The following CNTNAP2 variants were observed in gnomAD, a reference collection of about 807,000 sequenced individuals.
CNTNAP2 encodes contactin-associated protein-like 2.
CNTNAP2 carries 98 observed loss-of-function variants against 155.2 expected under a neutral mutation model. The observed-to-expected ratio is 0.63, with a 90% confidence interval of 0.54 to 0.75. The LOEUF (loss-of-function observed/expected upper bound fraction) is 0.75, where lower values mean the gene tolerates loss of function less well. CNTNAP2 is among the 30% of genes least tolerant of loss of function. CNTNAP2 has a pLI of 0.00. For synonymous variants in CNTNAP2, 651 were observed against 631.2 expected (o/e 1.03, Z -0.47); for missense variants, 1,727 against 1,688.1 (o/e 1.02, Z -0.40).
intron 15 of CNTNAP2, among the ~76,000 whole-genome samples, chr7:148,043,485 T>C (rs1007374367): frequency 2.0e-5 from 3 of 152,252 alleles, no homozygotes; most frequent in Admixed American, 6.5e-5. Flanking sequence ...CTTTAATTAC[T>C]GAGTTATGGA....
In CNTNAP2 at chr7:147,817,268, A is replaced by T. The variant is rs116981330; in HGVS notation, c.2099-86297A>T. 2.4e-3 allele frequency among the ~76,000 whole-genome samples: 360 copies of T among 152,372 alleles called. 2 individuals are homozygous for T. Among genetic ancestry groups the T allele is most frequent in the Admixed American group, 6.8e-3 (104 of 15,306 alleles). On this transcript the variant is annotated intron_variant, in intron 13 of 23. Coordinates refer to ENST00000361727, the MANE Select transcript of CNTNAP2 (RefSeq NM_014141.6). ...ACAGTATTTGAATCTTAATTCGAGC[A>T]TATCAACTAAGAAAAAGACATTTTT...
chr7:146,802,510 G>C (rs1256628452), intron 2 of CNTNAP2, among the ~76,000 whole-genome samples: 1 of 152,090 alleles, frequency 6.6e-6, no homozygotes, highest in African/African-American at 2.4e-5. Context: ...ATGATCATGG[G>C]GGGCAAGATT....
intron 15 of CNTNAP2, among the ~76,000 whole-genome samples, chr7:148,065,698 T>C (rs941591360): frequency 6.6e-6 from 1 of 152,208 alleles, no homozygotes; most frequent in African/African-American, 2.4e-5. Context: ...GGTGAGTCTC[T>C]TGAAGACTGC....
chr7:146,489,047 A>G (rs1450643637), intron 1 of CNTNAP2, among the ~76,000 whole-genome samples: 1 of 152,098 alleles, frequency 6.6e-6, no homozygotes, highest in Non-Finnish European at 1.5e-5. Context: ...CTGAAGCCAC[A>G]CCTATTTGAA....
chr7:146,332,428 T>G (rs552800290), intron 1 of CNTNAP2, among the ~76,000 whole-genome samples: 199 of 152,314 alleles, frequency 1.3e-3, no homozygotes, highest in African/African-American at 4.6e-3. Flanking sequence ...GCTTAACTAT[T>G]ATGTGAGCAG....
chr7:148,155,088 C>A (rs951400279), intron 17 of CNTNAP2, among the ~76,000 whole-genome samples: 1 of 152,192 alleles, frequency 6.6e-6, no homozygotes, highest in Non-Finnish European at 1.5e-5. Flanking sequence ...GCTTCCCATG[C>A]TTCCCCTCAA....
chr7:148,305,092 G>T (rs1200372645), intron 21 of CNTNAP2, among the ~76,000 whole-genome samples: 1 of 150,204 alleles, frequency 6.7e-6, no homozygotes, highest in African/African-American at 2.4e-5. Context: ...GTATTATGGT[G>T]CACACCTGTA....
intron 18 of CNTNAP2, among the ~76,000 whole-genome samples, chr7:148,188,264 A>T (rs936859466): frequency 6.6e-6 from 1 of 152,176 alleles, no homozygotes; most frequent in African/African-American, 2.4e-5. Flanking sequence ...TTGAATCAGT[A>T]GGAGTGGGTC....
In CNTNAP2 at chr7:146,757,823, A is replaced by G. The variant is rs189034926; in HGVS notation, c.98-16448A>G. 2.2e-3 allele frequency among the ~76,000 whole-genome samples: 338 copies of G among 152,256 alleles called. 2 individuals carry two copies. The highest frequency in any genetic ancestry group is 4.1e-3 in the Non-Finnish European group (277 of 67,998). ...CTGCTATGGCTCTATTTCTTATTTC[A>G]AAATGTAAAAACAGCAACTTTTCTC... On this transcript the variant is annotated intron_variant, in intron 1 of 23. Coordinates refer to ENST00000361727, the MANE Select transcript of CNTNAP2 (RefSeq NM_014141.6).
chr7:146,131,703 T>A (rs536343827), intron 1 of CNTNAP2, among the ~76,000 whole-genome samples: 1 of 152,310 alleles, frequency 6.6e-6, no homozygotes. Flanking sequence ...TAATTTGACA[T>A]AAAATAAACA....
intron 1 of CNTNAP2, among the ~76,000 whole-genome samples, chr7:146,677,981 C>T (rs1268428356): frequency 6.6e-6 from 1 of 152,060 alleles, no homozygotes; most frequent in Admixed American, 6.6e-5. Context: ...CTATTCTGAG[C>T]TATTTTACTT....
chr7:148,231,267 A>G (rs1262929988), intron 20 of CNTNAP2, among the ~76,000 whole-genome samples: 1 of 152,140 alleles, frequency 6.6e-6, no homozygotes, highest in Non-Finnish European at 1.5e-5. Context: ...GAGGCACAGA[A>G]AGCCAGAGAT....
chr7:146,281,348 C>T (rs955601458), intron 1 of CNTNAP2, among the ~76,000 whole-genome samples: 18 of 152,106 alleles, frequency 1.2e-4, no homozygotes, highest in Admixed American at 2.0e-4. Flanking sequence ...TTTTAAGCAT[C>T]GGCAAGCTGA....
intron 13 of CNTNAP2, among the ~76,000 whole-genome samples, chr7:147,773,150 A>G (rs1797501341): frequency 6.6e-6 from 1 of 152,192 alleles, no homozygotes; most frequent in South Asian, 2.1e-4. Context: ...TAACTAAAGG[A>G]CTGAATTGAA....
chr7:147,658,555 C>T (rs1795562830), intron 13 of CNTNAP2, among the ~76,000 whole-genome samples: 2 of 152,160 alleles, frequency 1.3e-5, no homozygotes, highest in Admixed American at 1.3e-4. Context: ...AAGTGTATTG[C>T]TGAAAGGACT....
rs549529870 is a variant in CNTNAP2 at position 147,818,593 on chromosome 7, T to C, written c.2099-84972T>C. ...TGCAGACAGCAGAATTATTTGGAAATAGGTGGAGCCACTGTCAATGAGAGA... is the reference window on the plus strand; with the variant it reads ...TGCAGACAGCAGAATTATTTGGAAACAGGTGGAGCCACTGTCAATGAGAGA... On this transcript the variant is annotated intron_variant, in intron 13 of 23. Coordinates refer to ENST00000361727, the MANE Select transcript of CNTNAP2 (RefSeq NM_014141.6). 3.3e-5 allele frequency among the ~76,000 whole-genome samples: 5 copies of C among 152,262 alleles called. 1 individual carries two copies. In the Middle Eastern group the frequency reaches 0.017, roughly 518 times the overall value.
intron 1 of CNTNAP2, among the ~76,000 whole-genome samples, chr7:146,119,468 AT>A (rs1584758279): frequency 1.3e-5 from 2 of 152,156 alleles, no homozygotes; most frequent in African/African-American, 4.8e-5. Context: ...TAAAAATATA[AT>A]CTAATTTCTT....
intron 1 of CNTNAP2, among the ~76,000 whole-genome samples, chr7:146,223,609 CAATCT>C (rs1438217064): frequency 6.6e-6 from 1 of 152,158 alleles, no homozygotes; most frequent in Non-Finnish European, 1.5e-5. Flanking sequence ...ACAGCTCTGG[CAATCT>C]TGACTCTAGA....
At chr7:146,676,425 T>C (rs1393927226) in intron 1 of CNTNAP2, among the ~76,000 whole-genome samples, 1 of 146,640 alleles carries the variant, frequency 6.8e-6, no homozygotes, top group African/African-American at 2.5e-5. Flanking sequence ...CTCCAATTTG[T>C]GGCAGCTACA....
Sources: gnomAD v4.1 joint callset for allele counts (sites outside exome capture counted in the v4.1 genomes callset) on GRCh38, gnomAD v4.1.1 for gene constraint, MANE v1.5 for transcripts, NCBI Gene and HGNC (gene_info 2026-07-23, HGNC 2026-07-21) for gene names.